Variants in HOPX observed in about 807,000 individuals in gnomAD.
HOPX encodes the protein HOP homeobox, also known as homeodomain-only protein.
Under a neutral mutation model 11.8 loss-of-function variants are expected in HOPX, and 5 were observed. That is an observed-to-expected ratio of 0.43 (90% CI 0.22 to 0.89). The LOEUF is 0.89. Ranked by LOEUF, HOPX falls within the 40% of genes least tolerant of loss-of-function variation. The pLI is 0.28. For missense variants in HOPX, 119 were observed against 120.0 expected, an observed-to-expected ratio of 0.99 and a Z score of 0.04; for synonymous variants, 49 against 49.7, an observed-to-expected ratio of 0.99 and a Z score of 0.06.
chr4:56,656,813 G>A (rs1183741077), intron 2 of HOPX, among the ~76,000 whole-genome samples: 1 of 152,110 alleles, frequency 6.6e-6, no homozygotes, highest in East Asian at 1.9e-4. Context: ...GTATGCTTTA[G>A]TGAGTCCCCG....
At chr4:56,658,530 T>A (rs1717921027) in intron 1 of HOPX, among the ~76,000 whole-genome samples, 1 of 152,226 alleles carries the variant, frequency 6.6e-6, no homozygotes, top group Non-Finnish European at 1.5e-5. Context: ...TATAGTCAAA[T>A]GTATCTGTTA....
intron 1 of HOPX, among the ~76,000 whole-genome samples, chr4:56,670,160 A>G (rs1718659481): frequency 6.6e-6 from 1 of 152,304 alleles, no homozygotes; most frequent in East Asian, 1.9e-4. Context: ...AACAGAGTCA[A>G]TCCTATGATC....
At chr4:56,652,641 T>C (rs1330888662) in intron 3 of HOPX, among the ~76,000 whole-genome samples, 1 of 152,096 alleles carries the variant, frequency 6.6e-6, no homozygotes, top group African/African-American at 2.4e-5. Flanking sequence ...GACCCCCATC[T>C]CTACAAACAA....
At chr4:56,677,137 C>T (rs749838404) in intron 1 of HOPX, among the ~76,000 whole-genome samples, 13 of 151,890 alleles carry the variant, frequency 8.6e-5, no homozygotes, top group Non-Finnish European at 1.8e-4. Flanking sequence ...TTATAGTAAC[C>T]TTAAGGTGGC....
At chr4:56,675,493 G>T (rs1170455297) in intron 1 of HOPX, among the ~76,000 whole-genome samples, 1 of 151,590 alleles carries the variant, frequency 6.6e-6, no homozygotes, top group Non-Finnish European at 1.5e-5. Context: ...GAGAAAATAG[G>T]ACCCAGGTTC....
chr4:56,677,894 G>A (rs188245101), intron 1 of HOPX, among the ~76,000 whole-genome samples: 3 of 151,636 alleles, frequency 2.0e-5, no homozygotes, highest in Admixed American at 6.5e-5. Flanking sequence ...CAACTTGGCT[G>A]TCCCCCAGAA....
chr4:56,668,368 T>C (rs1718548485), intron 1 of HOPX, among the ~76,000 whole-genome samples: 1 of 152,228 alleles, frequency 6.6e-6, no homozygotes, highest in Admixed American at 6.5e-5. Flanking sequence ...AAGCAGGAGT[T>C]ACTTTGCATT....
intron 3 of HOPX, chr4:56,650,402 G>C: frequency 2.9e-6 from 1 of 349,220 alleles, no homozygotes; most frequent in South Asian, 3.7e-5. Context: ...TGCCTATACA[G>C]ATACTCAGAA....
At chr4:56,656,053 G>A (rs1238805641) in intron 2 of HOPX, 41 bp from the exon 3 acceptor site, 1 of 1,504,416 alleles carries the variant, frequency 6.6e-7, no homozygotes, top group African/African-American at 1.4e-5. Context: ...GCGAGGCGTG[G>A]AGCGGGCGGG....
Position 56,655,882 on chromosome 4 carries a change from G to A in HOPX, c.173C>T (p.Ala58Val). ...STTLCLIAAEAGLSEEETQKW... is the reference protein window; with the variant it reads ...STTLCLIAAEVGLSEEETQKW... ...CTGGGTCTCCTCCTCGGAAAGGCCT[G>A]CCTCGGCCGCGATGAGGCACAGCGT... Residue 58 changes from alanine (A) to valine (V), a missense_variant, in exon 3 of 4, where the codon GCA becomes GTA. Transcript: ENST00000420433. 6.2e-7 allele frequency: 1 copy of A among 1,611,792 alleles called. No individual in the cohort carries two copies. The highest frequency in any genetic ancestry group is 8.5e-7 in the Non-Finnish European group (1 of 1,179,052).
chr4:56,658,778 T>G (rs1231633627), intron 1 of HOPX, among the ~76,000 whole-genome samples: 3 of 152,266 alleles, frequency 2.0e-5, no homozygotes, highest in Non-Finnish European at 4.4e-5. Flanking sequence ...ACGTTAATCT[T>G]AGCACAAGTT....
rs1017344224 is a variant in HOPX, at chr4:56,680,969, A to C, written c.-84+286T>G. 6 of 941,988 alleles carry C rather than the reference A, an allele frequency of 6.4e-6. No individual in the cohort carries two copies. The African/African-American group carries it at 7.1e-5, about 11-fold the overall frequency. The allele number at this position is 941,988 out of a possible 1,614,324, so 58.4% of individuals were successfully genotyped here. ...TTCAAAGTTATCTTTCCAAAATAGA[A>C]GCGAGTAAGAAAAACATCTCACCTG... is the stretch of plus-strand genomic sequence containing the variant. On this transcript the variant is annotated intron_variant, in intron 1 of 3. Transcript: ENST00000420433.
At chr4:56,679,540 C>A (rs1329689370) in intron 1 of HOPX, 2 of 151,046 alleles carry the variant, frequency 1.3e-5, no homozygotes, top group East Asian at 3.9e-4. Context: ...CGCAGTGGTA[C>A]AATCTCAGCT....
rs977478910 is a variant in HOPX, at chr4:56,650,739, T to C, written c.199-1942A>G. On this transcript the variant is annotated intron_variant, in intron 3 of 3. Coordinates refer to ENST00000420433, the MANE Select transcript of HOPX (RefSeq NM_032495.6). The stretch of plus-strand genomic sequence containing the variant: ...ATCGAAAGCCAAGCACGGCAGACTA[T>C]CATGGGGGTAGCCTTCTCTTTGGGG... 9 of 1,551,464 alleles carry C rather than the reference T, an allele frequency of 5.8e-6. No homozygotes were observed. The African/African-American group carries it at 8.2e-5, about 14-fold the overall frequency.
chr4:56,680,681 G>A (rs774212446), intron 1 of HOPX: 3 of 146,938 alleles, frequency 2.0e-5, no homozygotes, highest in Non-Finnish European at 4.5e-5. Flanking sequence ...CCCAGAGCCT[G>A]GGATTCCTTT....
chr4:56,673,035 T>G (rs1183342450), intron 1 of HOPX, among the ~76,000 whole-genome samples: 1 of 152,146 alleles, frequency 6.6e-6, no homozygotes, highest in Non-Finnish European at 1.5e-5. Context: ...ACATAAAACC[T>G]CTAGCCCACT....
At chr4:56,651,278 T>C (rs1263881726) in intron 3 of HOPX, 1 of 152,988 alleles carries the variant, frequency 6.5e-6, no homozygotes, top group Non-Finnish European at 1.5e-5. Context: ...GCCCTAACAT[T>C]GGGGGATGGG....
chr4:56,680,246 G>C (rs1719257716), intron 1 of HOPX: 1 of 152,150 alleles, frequency 6.6e-6, no homozygotes, highest in Admixed American at 6.5e-5. Context: ...CAGGAAGCGA[G>C]GAATGAATAC....
upstream of HOPX, chr4:56,681,315 C>A: frequency 2.0e-6 from 2 of 985,426 alleles, no homozygotes; most frequent in Non-Finnish European, 2.4e-6. Context: ...CTGATGCCAG[C>A]CTGCTTAAAT....
Sources: allele counts gnomAD v4.1 joint callset (sites outside exome capture counted in the v4.1 genomes callset), GRCh38; gene constraint gnomAD v4.1.1; transcripts MANE v1.5; gene names NCBI Gene and HGNC (gene_info 2026-07-23, HGNC 2026-07-21).